Variants in FADS2 observed in about 807,000 individuals in gnomAD.
FADS2 encodes fatty acid desaturase 2.
In FADS2, 18 loss-of-function variants were observed where a neutral mutation model predicts 61.2. That is an observed-to-expected ratio of 0.29 (90% CI 0.20 to 0.44). FADS2 has a LOEUF of 0.44. Among genes scored for constraint, FADS2 ranks in the 20% least tolerant of loss-of-function variants. The probability of loss-of-function intolerance (pLI) is 1.00; values close to 1 mark genes in which losing one functional copy is unlikely to be tolerated. For synonymous variants in FADS2, 203 were observed against 223.9 expected, an observed-to-expected ratio of 0.91 and a Z score of 0.83; for missense variants, 322 against 572.7, an observed-to-expected ratio of 0.56 and a Z score of 4.47.
At chr11:61,824,525 A>AAGAAAG (rs1565325500), upstream of FADS2, among the ~76,000 whole-genome samples, 4 of 88,204 alleles carry the variant, frequency 4.5e-5, no homozygotes, top group Non-Finnish European at 2.9e-5. Flanking sequence ...GAAAGAAAGA[A>AAGAAAG]AGAAAAATCA....
At chr11:61,826,378 G>T (rs1173642429), upstream of FADS2, 1 of 702,508 alleles carries the variant, frequency 1.4e-6, no homozygotes, top group Non-Finnish European at 2.6e-6. Context: ...CCACCCATAC[G>T]TGCTCCCTTT....
chr11:61,846,198 T>C (rs1443718755), intron 4 of FADS2, among the ~76,000 whole-genome samples: 1 of 150,510 alleles, frequency 6.6e-6, no homozygotes, highest in Non-Finnish European at 1.5e-5. Context: ...GTTGGTATGA[T>C]CTTGGCCTCC....
At position 61,857,460 on chromosome 11, in the gene FADS2, C is replaced by T. The variant is rs2067371341; in HGVS notation, c.812C>T (p.Pro271Leu). Reference protein sequence around the residue: ...HQHEYFFLIGPPLLIPMYFQY... With the variant: ...HQHEYFFLIGLPLLIPMYFQY... ...GCCTGTCTCTCTCCTGCAGTTGGGCCGCCGCTGCTCATCCCCATGTATTTC... is the reference window on the plus strand; with the variant it reads ...GCCTGTCTCTCTCCTGCAGTTGGGCTGCCGCTGCTCATCCCCATGTATTTC... The change falls in exon 7 of 12, where the codon CCG (proline) becomes CTG (leucine). Residue 271 changes from proline to leucine, a missense_variant. Pro to Leu is a moderately conservative substitution (Grantham distance 98). Around this residue, in one of 3 missense-constraint regions of FADS2, gnomAD observed 221 missense variants for 427.9 expected, o/e 0.52. Transcript: ENST00000278840. 3.1e-6 allele frequency: 5 copies of T among 1,613,868 alleles called. No individual in the cohort carries two copies. Among genetic ancestry groups the T allele is most frequent in the Admixed American group, 1.7e-5 (1 of 60,022 alleles).
At chr11:61,863,141 C>A in intron 8 of FADS2, 72 bp downstream of exon 8, 2 of 1,485,728 alleles carry the variant, frequency 1.3e-6, no homozygotes, top group Non-Finnish European at 1.9e-6. Context: ...TGAGAAGAGG[C>A]TCGGACGGCT....
In FADS2 at chr11:61,856,992, A is replaced by G; in HGVS notation, c.745-19A>G. Reference sequence around the variant, plus strand: ...GAGCTGAGGCTACTGGGTGCTCATGATCTCTCCTCTCTCCTCAGTACGGCA... The same window carrying G: ...GAGCTGAGGCTACTGGGTGCTCATGGTCTCTCCTCTCTCCTCAGTACGGCA... On this transcript the variant is annotated intron_variant, in intron 5 of 11. Coordinates refer to ENST00000278840, the MANE Select transcript of FADS2 (RefSeq NM_004265.4). 4 of 1,610,178 alleles carry G rather than the reference A, an allele frequency of 2.5e-6. No individual in the cohort carries two copies. Among genetic ancestry groups the G allele is most frequent in the Non-Finnish European group, 3.4e-6 (4 of 1,176,572 alleles).
In FADS2 at chr11:61,865,333, G is replaced by A. The variant is rs761884836; in HGVS notation, c.1283+56G>A. Reference sequence around the variant, plus strand: ...CCTGGGATCACCCGTGGTGCAGACAGTGGGATCACAAGAGGGGCTGGGCCC... The same window carrying A: ...CCTGGGATCACCCGTGGTGCAGACAATGGGATCACAAGAGGGGCTGGGCCC... On this transcript the variant is annotated intron_variant, in intron 11 of 11. Transcript: ENST00000278840. The surrounding 1 kb of genome is among the most constrained non-coding windows in gnomAD (Gnocchi z 4.1). The A allele has an allele frequency of 6.3e-7, 1 of 1,595,870 alleles. No homozygotes were observed. Among genetic ancestry groups the A allele is most frequent in the South Asian group, 1.1e-5 (1 of 89,038 alleles).
At chr11:61,843,952 C>T (rs941529007) in intron 4 of FADS2, among the ~76,000 whole-genome samples, 9 of 151,986 alleles carry the variant, frequency 5.9e-5, no homozygotes, top group African/African-American at 9.7e-5. Flanking sequence ...TGAGCCACCA[C>T]GCCCGGCCTG....
chr11:61,852,018 C>T (rs969231206), intron 5 of FADS2, among the ~76,000 whole-genome samples: 5 of 152,116 alleles, frequency 3.3e-5, no homozygotes, highest in African/African-American at 1.2e-4. Flanking sequence ...GGATGATGTT[C>T]GGCCTTCACT....
At chr11:61,838,684 G>A (rs994040144) in intron 2 of FADS2, among the ~76,000 whole-genome samples, 4 of 151,774 alleles carry the variant, frequency 2.6e-5, no homozygotes, top group Non-Finnish European at 2.9e-5. Flanking sequence ...GATGAGCTGC[G>A]GGCCACCCTG....
At chr11:61,853,294 T>TCCTCCCTC (rs1565334588) in intron 5 of FADS2, among the ~76,000 whole-genome samples, 2 of 71,942 alleles carry the variant, frequency 2.8e-5, no homozygotes, top group Admixed American at 1.6e-4. Context: ...CTCCCTCCCT[T>TCCTCCCTC]CCTTCCTTCC....
upstream of FADS2, among the ~76,000 whole-genome samples, chr11:61,824,184 C>A (rs1182157227): frequency 6.6e-6 from 1 of 151,658 alleles, no homozygotes; most frequent in East Asian, 1.9e-4. Context: ...GAGTTCGAGA[C>A]CAACCTCACC....
At chr11:61,818,447 A>G (rs1292110581) in intron 1 of FADS2, among the ~76,000 whole-genome samples, 1 of 152,190 alleles carries the variant, frequency 6.6e-6, no homozygotes, top group East Asian at 1.9e-4. Flanking sequence ...AACATTTTCT[A>G]TTCTTTGATC....
At chr11:61,841,957 A>G (rs1336993319) in intron 4 of FADS2, among the ~76,000 whole-genome samples, 1 of 152,192 alleles carries the variant, frequency 6.6e-6, no homozygotes, top group Non-Finnish European at 1.5e-5. Context: ...GGAATTGCCA[A>G]CTGCCTTGTT....
rs752475731 is a variant in FADS2, at chr11:61,828,419, G to A, written c.29G>A (p.Gly10Glu). 1.3e-6 allele frequency: 2 copies of A among 1,578,004 alleles called. No individual in the cohort carries two copies. The highest frequency in any genetic ancestry group is 1.2e-5 in the South Asian group (1 of 86,304). MGKGGNQGE[G>E]AAEREVSVPT... ...GGGAAGGGAGGGAACCAGGGCGAGG[G>A]GGCCGCCGAGCGCGAGGTGTCGGTG... The change falls in exon 1 of 12, where the codon GGG becomes GAG. Residue 10 changes from glycine (G) to glutamate (E), a missense_variant. Coordinates refer to ENST00000278840, the MANE Select transcript of FADS2 (RefSeq NM_004265.4). The surrounding 1 kb of genome is among the most constrained non-coding windows in gnomAD (Gnocchi z 6.4).
chr11:61,828,433 G>A lies in FADS2; in HGVS notation c.43G>A (p.Glu15Lys), dbSNP rs756753780. ...GNQGEGAAER[E>K]VSVPTFSWEE... ...CCAGGGCGAGGGGGCCGCCGAGCGC[G>A]AGGTGTCGGTGCCCACCTTCAGCTG... The change falls in exon 1 of 12, where the codon GAG becomes AAG. Residue 15 changes from glutamate to lysine, a missense_variant. This residue lies in a region of FADS2 where 61 missense variants were observed against 107.4 expected (regional missense o/e 0.57). Transcript: ENST00000278840. The surrounding 1 kb of genome is among the most constrained non-coding windows in gnomAD (Gnocchi z 6.4). 6 of 1,589,856 alleles carry A rather than the reference G, an allele frequency of 3.8e-6. No individual in the cohort carries two copies. Among genetic ancestry groups the A allele is most frequent in the Non-Finnish European group, 4.3e-6 (5 of 1,169,736 alleles).
At chr11:61,839,908 T>A (rs2067204150) in intron 2 of FADS2, among the ~76,000 whole-genome samples, 1 of 152,262 alleles carries the variant, frequency 6.6e-6, no homozygotes, top group Non-Finnish European at 1.5e-5. Context: ...TCTTCAAAGT[T>A]CACTCACATT....
At chr11:61,838,169 G>T (rs1304101312) in intron 2 of FADS2, among the ~76,000 whole-genome samples, 6 of 152,116 alleles carry the variant, frequency 3.9e-5, no homozygotes, top group African/African-American at 1.4e-4. Context: ...ACAATCTAGG[G>T]GAAAGACAGG....
chr11:61,865,067 C>T lies in FADS2; in HGVS notation c.1158-85C>T, dbSNP rs1396413528. 5 of 1,512,530 alleles carry T rather than the reference C, an allele frequency of 3.3e-6. No individual in the cohort carries two copies. The African/African-American group carries it at 5.5e-5, about 17-fold the overall frequency. 93.7% of individuals were successfully genotyped at this position (1,512,530 alleles called of 1,614,324 possible). A position where few individuals can be genotyped will look rare whatever the true frequency, so the allele number is the denominator to read the frequency against. Reference sequence around the variant, plus strand: ...GGACAGGGTCTCTGAGGGCCCCAGCCAGCCTCTGCCCAGGTGGTGGGAGGA... The same window carrying T: ...GGACAGGGTCTCTGAGGGCCCCAGCTAGCCTCTGCCCAGGTGGTGGGAGGA... On this transcript the variant is annotated intron_variant, in intron 10 of 11. Coordinates refer to ENST00000278840, the MANE Select transcript of FADS2 (RefSeq NM_004265.4). This position sits in a 1 kb window ranked among gnomAD's most constrained non-coding sequence, Gnocchi z 4.1.
upstream of FADS2, chr11:61,825,994 G>C: frequency 1.5e-6 from 1 of 688,792 alleles, no homozygotes; most frequent in Non-Finnish European, 2.7e-6. Context: ...CTCTCCTCGA[G>C]CACTGCCCTC....
Sources: allele counts gnomAD v4.1 joint callset (sites outside exome capture counted in the v4.1 genomes callset), GRCh38; gene constraint gnomAD v4.1.1; regional missense constraint gnomAD v4.1.1; non-coding constraint Gnocchi (gnomAD v3.1); transcripts MANE v1.5; gene names NCBI Gene and HGNC (gene_info 2026-07-23, HGNC 2026-07-21).